EIF2AK4: variants seen among roughly 807,000 people sequenced by gnomAD.
EIF2AK4 encodes eukaryotic translation initiation factor 2 alpha kinase 4.
Under a neutral mutation model 211.1 loss-of-function variants are expected in EIF2AK4, and 139 were observed. The observed-to-expected ratio is 0.66, with a 90% CI of 0.57 to 0.76. The LOEUF is 0.76. Among genes scored for constraint, EIF2AK4 ranks in the 30% least tolerant of loss-of-function variants. The pLI is 0.00. For missense variants in EIF2AK4, 1,664 were observed against 2,043.8 expected (o/e 0.81, Z 3.58); for synonymous variants, 710 against 751.3 (o/e 0.94, Z 0.90).
intron 16 of EIF2AK4, chr15:39,991,184 C>T (rs1364677574): frequency 6.6e-6 from 1 of 152,268 alleles, no homozygotes; most frequent in African/African-American, 2.4e-5. Flanking sequence ...TGAGAATAAC[C>T]ACTGGGGCCA....
At position 40,035,213 on chromosome 15, in the gene EIF2AK4, T is replaced by A; in HGVS notation, c.*129T>A. The A allele has an allele frequency of 1.5e-6, 1 of 653,410 alleles. No homozygotes were observed. Among genetic ancestry groups the A allele is most frequent in the Non-Finnish European group, 2.3e-6 (1 of 434,704 alleles). 40.5% of individuals were successfully genotyped at this position (653,410 alleles called of 1,614,324 possible). On this transcript the variant is annotated 3_prime_UTR_variant, in exon 39 of 39. Transcript: ENST00000263791. The stretch of plus-strand genomic sequence containing the variant: ...GGCTGGGTGCAGTGGCTCACACCTT[T>A]AATCCCAGCACTTTGGGAAGCCAAG...
Position 39,942,358 on chromosome 15 carries a change from T to C in EIF2AK4, c.258-1025T>C, listed in dbSNP as rs2034156842. 2.0e-5 allele frequency among the ~76,000 whole-genome samples: 3 copies of C among 152,158 alleles called. 1 individual carries two copies. The South Asian group carries it at 6.2e-4, about 32-fold the overall frequency. ...GGAATCTAACCCAGGATTCCATACA[T>C]AGAGTCAGGACTGTATGGTTTGTTT... On this transcript the variant is annotated intron_variant, in intron 2 of 38. Transcript: ENST00000263791.
intron 18 of EIF2AK4, 114 bp from the exon 19 acceptor site, chr15:39,996,850 C>A: frequency 1.5e-6 from 1 of 683,824 alleles, no homozygotes; most frequent in Non-Finnish European, 2.6e-6. Flanking sequence ...CCAGTGTGAC[C>A]TGTTTTGTAC....
chr15:40,029,664 A>G (rs573830097), intron 34 of EIF2AK4, among the ~76,000 whole-genome samples, 200 bp downstream of exon 34: 1 of 152,124 alleles, frequency 6.6e-6, no homozygotes, highest in African/African-American at 2.4e-5. Context: ...AATTTAGCTG[A>G]CTCTTCTACT....
At chr15:39,945,734 A>T in intron 3 of EIF2AK4, among the ~76,000 whole-genome samples, 1 of 152,250 alleles carries the variant, frequency 6.6e-6, no homozygotes, top group Non-Finnish European at 1.5e-5. Flanking sequence ...TTATGAAAGG[A>T]CAGACTGACT....
intron 33 of EIF2AK4, 55 bp downstream of exon 33, chr15:40,026,144 T>C: frequency 6.8e-7 from 1 of 1,470,754 alleles, no homozygotes; most frequent in South Asian, 1.2e-5. Flanking sequence ...ATATGGAAAC[T>C]ACGTAAATTT....
At chr15:39,980,150 G>A (rs547367638) in intron 13 of EIF2AK4, among the ~76,000 whole-genome samples, 56 of 152,198 alleles carry the variant, frequency 3.7e-4, no homozygotes, top group African/African-American at 1.3e-3. Context: ...TTCTTTCAAC[G>A]TCAATGTACC....
chr15:40,011,699 A>G (rs1336670477), intron 27 of EIF2AK4, among the ~76,000 whole-genome samples: 1 of 152,208 alleles, frequency 6.6e-6, no homozygotes, highest in African/African-American at 2.4e-5. Context: ...ATTAGATTAT[A>G]CAGGACTAGA....
chr15:39,981,924 C>CTT (rs34776250), intron 13 of EIF2AK4, among the ~76,000 whole-genome samples: 19,124 of 122,144 alleles, frequency 0.16, 2,093 homozygotes, highest in South Asian at 0.37. Context: ...AATGTGGTCA[C>CTT]TTTTTTTTTT....
In EIF2AK4 at chr15:39,967,824, T is replaced by A; in HGVS notation, c.1498T>A (p.Tyr500Asn). The A allele has an allele frequency of 6.2e-7, 1 of 1,614,108 alleles. No individual in the cohort carries two copies. Among genetic ancestry groups the A allele is most frequent in the African/African-American group, 1.3e-5 (1 of 74,992 alleles). ...CAGCCAAGGACAGGAATGTGGAGAG[T>A]ACCCTGTGACCATCCCTAGTGACTT... ...SLSQGQECGEYPVTIPSDLPA... is the reference protein window; with the variant it reads ...SLSQGQECGENPVTIPSDLPA... Residue 500 changes from tyrosine to asparagine, a missense_variant, in exon 9 of 39, where the codon TAC becomes AAC. Transcript: ENST00000263791.
chr15:39,973,285 C>T (rs2140916550), intron 10 of EIF2AK4, among the ~76,000 whole-genome samples: 1 of 152,228 alleles, frequency 6.6e-6, no homozygotes, highest in South Asian at 2.1e-4. Flanking sequence ...TTTCCTGCTG[C>T]ACCTGAGATT....
intron 16 of EIF2AK4, 88 bp downstream of exon 16, chr15:39,990,465 T>G (rs2034928308): frequency 3.6e-6 from 4 of 1,112,076 alleles, no homozygotes; most frequent in Non-Finnish European, 5.4e-6. Context: ...AATAGTGCGT[T>G]CACAGAACTA....
chr15:40,027,017 T>G (rs2035473769), intron 33 of EIF2AK4, among the ~76,000 whole-genome samples: 1 of 152,204 alleles, frequency 6.6e-6, no homozygotes, highest in African/African-American at 2.4e-5. Context: ...TTTGTTTATG[T>G]GAGTTATATC....
intron 16 of EIF2AK4, 64 bp downstream of exon 16, chr15:39,990,441 G>A: frequency 2.2e-6 from 3 of 1,376,664 alleles, no homozygotes; most frequent in Non-Finnish European, 3.1e-6. Flanking sequence ...AATCCTGGAA[G>A]TGTTAGCGGA....
At chr15:39,964,223 C>T (rs1361807065) in intron 7 of EIF2AK4, among the ~76,000 whole-genome samples, 2 of 152,162 alleles carry the variant, frequency 1.3e-5, no homozygotes, top group Non-Finnish European at 2.9e-5. Flanking sequence ...TTTGCTGAGA[C>T]ATCTTTATCA....
chr15:39,960,660 CAG>C (rs1443240824), intron 6 of EIF2AK4, among the ~76,000 whole-genome samples: 1 of 151,866 alleles, frequency 6.6e-6, no homozygotes, highest in Non-Finnish European at 1.5e-5. Flanking sequence ...ATGTATGGAT[CAG>C]AGAGATTTAT....
At chr15:39,941,548 T>C (rs1294512259) in intron 2 of EIF2AK4, among the ~76,000 whole-genome samples, 4 of 151,936 alleles carry the variant, frequency 2.6e-5, no homozygotes, top group African/African-American at 7.3e-5. Context: ...AAAATCAAAA[T>C]AAAGAAAAAG....
chr15:40,031,291 G>A (rs2035539847), intron 35 of EIF2AK4, among the ~76,000 whole-genome samples: 1 of 152,168 alleles, frequency 6.6e-6, no homozygotes, highest in Non-Finnish European at 1.5e-5. Context: ...GAATATGAAT[G>A]TTAGAGTATG....
intron 18 of EIF2AK4, among the ~76,000 whole-genome samples, 164 bp from the exon 19 acceptor site, chr15:39,996,800 T>A (rs1227993427): frequency 3.3e-5 from 5 of 152,218 alleles, no homozygotes; most frequent in Non-Finnish European, 1.5e-5. Context: ...TCATTTAGCC[T>A]TTATAACCAT....
Sources: gnomAD v4.1 joint callset for allele counts (sites outside exome capture counted in the v4.1 genomes callset) on GRCh38, gnomAD v4.1.1 for gene constraint, MANE v1.5 for transcripts, NCBI Gene and HGNC (gene_info 2026-07-23, HGNC 2026-07-21) for gene names.